TEAD1: variants seen among roughly 807,000 people sequenced by gnomAD.
TEAD1 encodes the protein TEA domain transcription factor 1, also known as transcriptional enhancer factor TEF-1.
TEAD1 carries 9 observed loss-of-function variants against 54.9 expected under a neutral mutation model. That is an observed-to-expected ratio of 0.16 (90% CI 0.10 to 0.29). The LOEUF (loss-of-function observed/expected upper bound fraction) is 0.29, where lower values mean the gene tolerates loss of function less well. Ranked by LOEUF, TEAD1 falls within the 10% of genes least tolerant of loss-of-function variation. The pLI, the probability that TEAD1 is intolerant of heterozygous loss-of-function variation, is 1.00. For synonymous variants in TEAD1, 200 were observed against 187.8 expected (o/e 1.07, Z -0.53); for missense variants, 387 against 535.9 (o/e 0.72, Z 2.74).
chr11:12,822,737 C>A (rs1946578370), intron 3 of TEAD1: 1 of 152,144 alleles, frequency 6.6e-6, no homozygotes, highest in African/African-American at 2.4e-5. Flanking sequence ...TGCTAAAGGA[C>A]CTTCAGTTTT....
intron 5 of TEAD1, 153 bp downstream of exon 5, chr11:12,865,053 T>A: frequency 1.2e-6 from 1 of 861,722 alleles, no homozygotes; most frequent in Non-Finnish European, 1.9e-6. Context: ...AATCTCTCTG[T>A]TTCTGTACTA....
chr11:12,787,962 CT>C (rs35774588), intron 3 of TEAD1, among the ~76,000 whole-genome samples: 47,394 of 131,334 alleles, frequency 0.36, 6,861 homozygotes, highest in South Asian at 0.55. Flanking sequence ...AAATCTTTCA[CT>C]TTTTTTTTTT....
intron 10 of TEAD1, among the ~76,000 whole-genome samples, chr11:12,914,580 C>G (rs897871329): frequency 6.6e-6 from 1 of 152,222 alleles, no homozygotes; most frequent in Non-Finnish European, 1.5e-5. Context: ...CCCACCCACC[C>G]CAAGCCTCTG....
chr11:12,864,981 T>C (rs1589938465), intron 5 of TEAD1, 81 bp downstream of exon 5: 1 of 1,485,290 alleles, frequency 6.7e-7, no homozygotes, highest in Non-Finnish European at 9.4e-7. Context: ...GAATGCCTGG[T>C]GCTGGGATTC....
chr11:12,674,829 G>A lies in TEAD1; in HGVS notation c.-213G>A, dbSNP rs1943039330. On this transcript the variant is annotated 5_prime_UTR_variant, in exon 1 of 13. Transcript: ENST00000527636. ...GCCGGGCGCTGCGGTGGCTCCCTGG[G>A]CCGAGGTAAGTTGGCGCGCGGGGCG... 1 of 151,056 alleles carries A rather than the reference G, an allele frequency of 6.6e-6. No homozygotes were observed. The highest frequency in any genetic ancestry group is 6.6e-5 in the Admixed American group (1 of 15,166). The allele number at this position is 151,056 out of a possible 1,614,324, so 9.4% of individuals were successfully genotyped here.
intron 9 of TEAD1, among the ~76,000 whole-genome samples, chr11:12,893,416 A>G (rs1012847565): frequency 4.7e-4 from 71 of 152,258 alleles, no homozygotes; most frequent in African/African-American, 1.6e-3. Flanking sequence ...GGCAGCAGAC[A>G]TTGTACTGTG....
At chr11:12,692,089 C>T (rs113991586) in intron 2 of TEAD1, among the ~76,000 whole-genome samples, 4,051 of 152,244 alleles carry the variant, frequency 0.027, 178 homozygotes, top group African/African-American at 0.091. Context: ...AGTAGGCCTG[C>T]AAGTCTAAGA....
chr11:12,731,792 G>A (rs1944430354), intron 2 of TEAD1, among the ~76,000 whole-genome samples: 1 of 152,088 alleles, frequency 6.6e-6, no homozygotes. Flanking sequence ...TAGCTCCATG[G>A]CCCTCTTACT....
chr11:12,851,160 C>T (rs1222566251), intron 3 of TEAD1: 2 of 888,414 alleles, frequency 2.3e-6, no homozygotes, highest in Non-Finnish European at 2.7e-6. Flanking sequence ...CATGATCTCA[C>T]TTATACGTGG....
Position 12,881,977 on chromosome 11 carries a change from C to A in TEAD1, c.574+20C>A. 1 of 1,613,264 alleles carries A rather than the reference C, an allele frequency of 6.2e-7. No homozygotes were observed. The highest frequency in any genetic ancestry group is 2.2e-5 in the East Asian group (1 of 44,874). ...TTCCAGGTGAGTGTCCCTGAAACTCCTTTTTGGGAGCACAGCCCCACACAG... is the reference window on the plus strand; with the variant it reads ...TTCCAGGTGAGTGTCCCTGAAACTCATTTTTGGGAGCACAGCCCCACACAG... On this transcript the variant is annotated intron_variant, in intron 8 of 12. Transcript: ENST00000527636.
chr11:12,913,898 C>T (rs1195252725), intron 10 of TEAD1, among the ~76,000 whole-genome samples: 1 of 152,140 alleles, frequency 6.6e-6, no homozygotes, highest in Non-Finnish European at 1.5e-5. Flanking sequence ...ATAAAAAGGT[C>T]CTGTTTCCTG....
At chr11:12,904,002 T>C (rs1948469769) in intron 10 of TEAD1, among the ~76,000 whole-genome samples, 1 of 152,192 alleles carries the variant, frequency 6.6e-6, no homozygotes, top group African/African-American at 2.4e-5. Context: ...GCTTTCAAAA[T>C]GTGGCCTGCG....
intron 2 of TEAD1, among the ~76,000 whole-genome samples, chr11:12,740,040 A>G (rs990808616): frequency 2.0e-5 from 3 of 152,208 alleles, no homozygotes; most frequent in African/African-American, 7.2e-5. Flanking sequence ...GTGGCGAGGA[A>G]AGGCATTTCA....
intron 2 of TEAD1, among the ~76,000 whole-genome samples, chr11:12,723,673 A>G (rs1254869792): frequency 6.6e-6 from 1 of 151,930 alleles, no homozygotes; most frequent in Non-Finnish European, 1.5e-5. Context: ...CTTTTTGGAG[A>G]TAAAACATAA....
chr11:12,676,536 G>A (rs1315966800), intron 2 of TEAD1, among the ~76,000 whole-genome samples: 1 of 152,192 alleles, frequency 6.6e-6, no homozygotes, highest in Non-Finnish European at 1.5e-5. Flanking sequence ...CAGGGTCTTC[G>A]GGTCCAAGCA....
chr11:12,781,094 A>G (rs1945532235), intron 3 of TEAD1, among the ~76,000 whole-genome samples: 1 of 152,246 alleles, frequency 6.6e-6, no homozygotes. Context: ...AGACAATTCA[A>G]TAGGAAATAA....
At chr11:12,791,586 A>G (rs974118361) in intron 3 of TEAD1, among the ~76,000 whole-genome samples, 3 of 152,162 alleles carry the variant, frequency 2.0e-5, no homozygotes, top group Admixed American at 1.3e-4. Context: ...GATGGGTTGC[A>G]GGTGGGTGCG....
rs536042037 is a variant in TEAD1 at position 12,854,786 on chromosome 11, T to G, written c.203-7464T>G. ...TTTTTTTTTTTTTTTTTTTAAGAGA[T>G]AGGGTCTCACTCTCAGCCAGGCTGG... On this transcript the variant is annotated intron_variant, in intron 3 of 12. Coordinates refer to ENST00000527636, the MANE Select transcript of TEAD1 (RefSeq NM_021961.6). Among the ~76,000 whole-genome samples the G allele has an allele frequency of 1.5e-4, 22 of 147,164 alleles. 1 individual carries two copies. The South Asian group carries it at 4.3e-3, about 29-fold the overall frequency.
At chr11:12,885,040 C>G (rs1948058178) in intron 9 of TEAD1, among the ~76,000 whole-genome samples, 1 of 152,064 alleles carries the variant, frequency 6.6e-6, no homozygotes, top group Non-Finnish European at 1.5e-5. Flanking sequence ...TTACAGTGCC[C>G]CATCAGATAG....
Sources: allele counts gnomAD v4.1 joint callset (sites outside exome capture counted in the v4.1 genomes callset), GRCh38; gene constraint gnomAD v4.1.1; transcripts MANE v1.5; gene names NCBI Gene and HGNC (gene_info 2026-07-23, HGNC 2026-07-21).